ILDR1: variants seen among roughly 807,000 people sequenced by gnomAD.
The protein encoded by ILDR1 is immunoglobulin like domain containing receptor 1, also known as immunoglobulin-like domain-containing receptor 1.
ILDR1 carries 56 observed loss-of-function variants against 62.4 expected under a neutral mutation model. The ratio of observed to expected loss-of-function variants is 0.90; its 90% CI spans 0.72 to 1.12. The LOEUF (loss-of-function observed/expected upper bound fraction) is 1.12, where lower values mean the gene tolerates loss of function less well. Ranked by LOEUF, ILDR1 falls within the 50% of genes most tolerant of loss-of-function variation. The pLI is 0.00. For missense variants in ILDR1, 736 were observed against 710.6 expected (o/e 1.04, Z -0.41); for synonymous variants, 284 against 277.8 (o/e 1.02, Z -0.22).
the ILDR1 span, among the ~76,000 whole-genome samples, chr3:122,048,266 G>C: frequency 6.6e-6 from 1 of 152,166 alleles, no homozygotes; most frequent in Non-Finnish European, 1.5e-5. Context: ...AATCATCTTT[G>C]CATTCCAGGG....
rs758546534 is a variant in ILDR1 at position 122,022,029 on chromosome 3, G to T, written c.49C>A (p.Leu17Ile). ...TTTTTCCAAGGCTCACCTGCTGGGA[G>T]CCAGGTGCAGAGCAGCAGCCAAGGT... ...PAPWLLLCTW[L>I]PAGCLSLLVT... The change falls in exon 1 of 8, where the codon CTC (leucine) becomes ATC (isoleucine). Residue 17 changes from leucine to isoleucine, a missense_variant. Leu to Ile is a conservative substitution (Grantham distance 5). Coordinates refer to ENST00000344209, the MANE Select transcript of ILDR1 (RefSeq NM_001199799.2). 1.2e-6 allele frequency: 2 copies of T among 1,611,330 alleles called. No homozygotes were observed.
chr3:122,033,379 C>T, the ILDR1 span, among the ~76,000 whole-genome samples: 1 of 151,262 alleles, frequency 6.6e-6, no homozygotes, highest in Admixed American at 6.6e-5. Flanking sequence ...TCTTATGTGT[C>T]CTGGATATAG....
the ILDR1 span, among the ~76,000 whole-genome samples, chr3:122,057,119 A>G: frequency 6.6e-6 from 1 of 152,344 alleles, no homozygotes; most frequent in East Asian, 1.9e-4. Flanking sequence ...CTATCTTGCT[A>G]AGAAGGGAGG....
the ILDR1 span, among the ~76,000 whole-genome samples, chr3:122,028,354 AAAGG>A: frequency 7.1e-6 from 1 of 139,972 alleles, no homozygotes; most frequent in African/African-American, 2.6e-5. Context: ...AAAAAAAAAA[AAAGG>A]AGGAAAACTG....
intron 3 of ILDR1, among the ~76,000 whole-genome samples, chr3:122,002,119 A>C (rs1285433632): frequency 4.6e-5 from 7 of 152,226 alleles, no homozygotes; most frequent in Non-Finnish European, 8.8e-5. Flanking sequence ...CAGCCTGGGC[A>C]ACACAGTGAG....
intron 1 of ILDR1, among the ~76,000 whole-genome samples, chr3:122,007,877 T>C (rs891698938): frequency 6.6e-6 from 1 of 152,178 alleles, no homozygotes; most frequent in Non-Finnish European, 1.5e-5. Context: ...CCCTCCTGTC[T>C]GCAAATCTGG....
At chr3:122,029,166 C>T in the ILDR1 span, among the ~76,000 whole-genome samples, 2 of 152,024 alleles carry the variant, frequency 1.3e-5, no homozygotes, top group East Asian at 1.9e-4. Context: ...AAAACAATAT[C>T]GTATAGTATT....
At chr3:122,055,294 G>T in the ILDR1 span, 1 of 572,626 alleles carries the variant, frequency 1.7e-6, no homozygotes. Context: ...TCTTCCTCAA[G>T]TGTGGTCAAA....
At chr3:122,031,177 G>A in the ILDR1 span, among the ~76,000 whole-genome samples, 1 of 152,134 alleles carries the variant, frequency 6.6e-6, no homozygotes, top group African/African-American at 2.4e-5. Flanking sequence ...GCCACAAGTA[G>A]CTGCATAACT....
the ILDR1 span, among the ~76,000 whole-genome samples, chr3:122,044,595 T>G: frequency 6.6e-6 from 1 of 151,616 alleles, no homozygotes; most frequent in Non-Finnish European, 1.5e-5. Context: ...CAATTTCAGC[T>G]CCTGTTATTG....
chr3:122,040,256 T>A, the ILDR1 span, among the ~76,000 whole-genome samples: 1 of 151,850 alleles, frequency 6.6e-6, no homozygotes, highest in African/African-American at 2.4e-5. Context: ...AAAGTCAATT[T>A]TACATAAAGT....
chr3:122,012,780 C>T (rs1188110618), intron 1 of ILDR1, among the ~76,000 whole-genome samples: 1 of 152,154 alleles, frequency 6.6e-6, no homozygotes, highest in African/African-American at 2.4e-5. Context: ...AGTTCCAGAT[C>T]CACTGAGACT....
chr3:122,007,998 C>T (rs553162564), intron 1 of ILDR1, among the ~76,000 whole-genome samples: 38 of 152,250 alleles, frequency 2.5e-4, no homozygotes, highest in African/African-American at 8.2e-4. Flanking sequence ...AAAACGCAGT[C>T]GGCCTTCTCA....
At chr3:122,006,158 G>C (rs1469080950) in intron 2 of ILDR1, among the ~76,000 whole-genome samples, 2 of 152,284 alleles carry the variant, frequency 1.3e-5, no homozygotes, top group South Asian at 4.1e-4. Flanking sequence ...AAATCATATT[G>C]TGAGACATTA....
At chr3:122,059,855 AAC>A in the ILDR1 span, among the ~76,000 whole-genome samples, 1 of 152,154 alleles carries the variant, frequency 6.6e-6, no homozygotes, top group Non-Finnish European at 1.5e-5. Flanking sequence ...AAGGAAGGGA[AAC>A]ACACAGCGGA....
intron 6 of ILDR1, 51 bp downstream of exon 6, chr3:121,994,131 C>T (rs1168339158): frequency 6.5e-7 from 1 of 1,531,638 alleles, no homozygotes; most frequent in Non-Finnish European, 8.7e-7. Flanking sequence ...AGCCCATGTT[C>T]CCGCCCTTGC....
upstream of ILDR1, among the ~76,000 whole-genome samples, chr3:122,026,661 G>A (rs752479462): frequency 1.8e-4 from 28 of 152,146 alleles, no homozygotes; most frequent in South Asian, 4.1e-4. Flanking sequence ...GGGAAGTCTG[G>A]GTCGGCAGGG....
At chr3:122,010,741 A>G (rs1282153443) in intron 1 of ILDR1, among the ~76,000 whole-genome samples, 1 of 152,234 alleles carries the variant, frequency 6.6e-6, no homozygotes, top group African/African-American at 2.4e-5. Context: ...ATAGGTTGCC[A>G]TTGTCAACAC....
the ILDR1 span, among the ~76,000 whole-genome samples, chr3:122,044,472 G>A: frequency 6.7e-6 from 1 of 148,636 alleles, no homozygotes. Context: ...CTATTGATTG[G>A]AATAGTTTCA....
Sources: allele counts gnomAD v4.1 joint callset (sites outside exome capture counted in the v4.1 genomes callset), GRCh38; gene constraint gnomAD v4.1.1; transcripts MANE v1.5; gene names NCBI Gene and HGNC (gene_info 2026-07-23, HGNC 2026-07-21).